The following CELF2 variants were observed in gnomAD, a reference collection of about 807,000 sequenced individuals.
CELF2 encodes the protein CUG triplet repeat RNA-binding protein 2.
In CELF2, 8 loss-of-function variants were observed where a neutral mutation model predicts 62.6. The ratio of observed to expected loss-of-function variants is 0.13; its 90% CI spans 0.07 to 0.23. The LOEUF (loss-of-function observed/expected upper bound fraction) is 0.23. Among genes scored for constraint, CELF2 ranks in the 10% least tolerant of loss-of-function variants. The pLI, the probability that CELF2 is intolerant of heterozygous loss-of-function variation, is 1.00. For missense variants in CELF2, 333 were observed against 671.0 expected, an observed-to-expected ratio of 0.50 and a Z score of 5.56; for synonymous variants, 258 against 250.0, an observed-to-expected ratio of 1.03 and a Z score of -0.30.
At chr10:10,865,648 C>T (rs10737045) in intron 1 of CELF2, among the ~76,000 whole-genome samples, 38,511 of 151,936 alleles carry the variant, frequency 0.25, 4,917 homozygotes, top group South Asian at 0.31. Context: ...GTAAAATATG[C>T]GTGTCTTATT....
chr10:11,325,311 A>T (rs563096544), intron 11 of CELF2, among the ~76,000 whole-genome samples: 2 of 152,362 alleles, frequency 1.3e-5, no homozygotes, highest in East Asian at 3.9e-4. Flanking sequence ...GATGATTATT[A>T]GACTGTGTGT....
Position 10,956,002 on chromosome 10 carries a change from T to C in CELF2, c.89+36003T>C, listed in dbSNP as rs186198822. ...AAATCAAGTCATCATTTGGAATTGT[T>C]CAGACTTAAGTCAGGAAAGATTACA... On this transcript the variant is annotated intron_variant, in intron 2 of 13. Coordinates refer to the CELF2 transcript ENST00000636488. Among the ~76,000 whole-genome samples, 246 of 152,268 alleles carry C rather than the reference T, an allele frequency of 1.6e-3. 3 individuals are homozygous for C. The highest frequency in any genetic ancestry group is 0.014 in the Middle Eastern group (4 of 294).
chr10:10,763,750 A>G, the CELF2 span, among the ~76,000 whole-genome samples: 352 of 152,316 alleles, frequency 2.3e-3, 1 homozygote, highest in Admixed American at 3.2e-3. Flanking sequence ...AGAATGTCAG[A>G]ACATGGAGAG....
intron 1 of CELF2, among the ~76,000 whole-genome samples, chr10:10,834,245 T>A (rs758613510): frequency 6.6e-6 from 1 of 151,882 alleles, no homozygotes; most frequent in Non-Finnish European, 1.5e-5. Flanking sequence ...CACGTATAAG[T>A]GGGAGCTAAA....
the CELF2 span, among the ~76,000 whole-genome samples, chr10:10,517,614 G>T: frequency 1.3e-5 from 2 of 152,180 alleles, no homozygotes; most frequent in Admixed American, 6.5e-5. Context: ...ATCTGCCCAG[G>T]CTGATGTCAG....
rs971549504 is a variant in CELF2, at chr10:11,302,669, T to G, written c.977-11470T>G. Among the ~76,000 whole-genome samples, 2 of 152,188 alleles carry G rather than the reference T, an allele frequency of 1.3e-5. No homozygotes were observed. Among genetic ancestry groups the G allele is most frequent in the Non-Finnish European group, 2.9e-5 (2 of 68,026 alleles). ...TCATTTAGGATCGAGTTGGGTGTAC[T>G]TGGTGTGGCAGCTGCTGTGTATAGG... On this transcript the variant is annotated intron_variant, in intron 9 of 12. Coordinates refer to ENST00000633077, the MANE Select transcript of CELF2 (RefSeq NM_001326342.2). This position sits in a 1 kb window ranked among gnomAD's most constrained non-coding sequence, Gnocchi z 5.0.
At chr10:11,105,495 G>A (rs1456681895) in intron 1 of CELF2, 1 of 152,178 alleles carries the variant, frequency 6.6e-6, no homozygotes, top group Non-Finnish European at 1.5e-5. Flanking sequence ...GCCATGACTT[G>A]ATTATCTCCA....
At position 11,268,698 on chromosome 10, in the gene CELF2, G is replaced by T. The variant is rs986743774; in HGVS notation, c.619-1968G>T. Among the ~76,000 whole-genome samples, 5 of 151,086 alleles carry T rather than the reference G, an allele frequency of 3.3e-5. No homozygotes were observed. The highest frequency in any genetic ancestry group is 9.8e-5 in the African/African-American group (4 of 40,858). On this transcript the variant is annotated intron_variant, in intron 6 of 12. Transcript: ENST00000633077. This position sits in a 1 kb window ranked among gnomAD's most constrained non-coding sequence, Gnocchi z 4.7. ...CTCTGACACTTAAATTTCTTGTTTG[G>T]TTTTTTTTTTAATTGGCATTTAAAT...
chr10:10,712,147 C>CAAA, the CELF2 span, among the ~76,000 whole-genome samples: 377 of 43,412 alleles, frequency 8.7e-3, 40 homozygotes, highest in Middle Eastern at 0.053. Flanking sequence ...AGGATAGAGA[C>CAAA]AAAAAAAAAA....
At chr10:10,892,387 T>G (rs571260678) in intron 1 of CELF2, among the ~76,000 whole-genome samples, 1 of 152,136 alleles carries the variant, frequency 6.6e-6, no homozygotes, top group Admixed American at 6.5e-5. Flanking sequence ...GAGCTCCTCA[T>G]CTCCTTGGCC....
the CELF2 span, among the ~76,000 whole-genome samples, chr10:10,515,358 T>A: frequency 1.3e-5 from 2 of 152,182 alleles, no homozygotes; most frequent in Admixed American, 6.5e-5. Flanking sequence ...ACCATTGGAG[T>A]CATATCACAT....
In CELF2 at chr10:11,018,054, C is replaced by G; in HGVS notation, c.-36C>G. On this transcript the variant is annotated 5_prime_UTR_variant, in exon 1 of 13. Transcript: ENST00000633077. ...GCGGCCGCTCGGACGCGCGCAGAGC[C>G]GCCCCCCGCCGCTGCCGCCGCGTGC... 7.2e-7 allele frequency: 1 copy of G among 1,383,688 alleles called. No individual in the cohort carries two copies. The highest frequency in any genetic ancestry group is 9.5e-7 in the Non-Finnish European group (1 of 1,047,406). The allele number at this position is 1,383,688 out of a possible 1,614,324, so 85.7% of individuals were successfully genotyped here.
chr10:11,130,480 C>T (rs1197772668), intron 1 of CELF2, among the ~76,000 whole-genome samples: 1 of 152,196 alleles, frequency 6.6e-6, no homozygotes, highest in Non-Finnish European at 1.5e-5. Flanking sequence ...TCTTGTAAGA[C>T]ATTTATCACT....
chr10:11,121,736 G>GA (rs749167767), intron 1 of CELF2, among the ~76,000 whole-genome samples: 2 of 151,786 alleles, frequency 1.3e-5, no homozygotes, highest in African/African-American at 4.8e-5. Context: ...TTGATTTGTG[G>GA]AAAAAAATGC....
the CELF2 span, among the ~76,000 whole-genome samples, chr10:10,579,449 T>A: frequency 6.6e-6 from 1 of 152,154 alleles, no homozygotes; most frequent in African/African-American, 2.4e-5. Flanking sequence ...AGGATTAATA[T>A]AGGTTGTTAA....
At chr10:10,877,731 G>A (rs2061197327) in intron 1 of CELF2, among the ~76,000 whole-genome samples, 1 of 152,200 alleles carries the variant, frequency 6.6e-6, no homozygotes, top group East Asian at 1.9e-4. Context: ...TGAGTGAGAT[G>A]GACGAGTTGG....
In CELF2 at chr10:11,329,837, T is replaced by A. The variant is rs2095950723; in HGVS notation, c.*784T>A. On this transcript the variant is annotated 3_prime_UTR_variant, in exon 13 of 13. Coordinates refer to ENST00000633077, the MANE Select transcript of CELF2 (RefSeq NM_001326342.2). The surrounding 1 kb of genome is among the most constrained non-coding windows in gnomAD (Gnocchi z 5.5). ...TCTTGAAAGATAAATTTAATAATAATAAATAAATACATAAATACATAAATA... is the reference window on the plus strand; with the variant it reads ...TCTTGAAAGATAAATTTAATAATAAAAAATAAATACATAAATACATAAATA... 1.3e-5 allele frequency: 2 copies of A among 151,932 alleles called. No individual in the cohort carries two copies. The highest frequency in any genetic ancestry group is 4.8e-5 in the African/African-American group (2 of 41,392). 9.4% of individuals were successfully genotyped at this position (151,932 alleles called of 1,614,324 possible). A position where few individuals can be genotyped will look rare whatever the true frequency, so the allele number is the denominator to read the frequency against.
intron 1 of CELF2, among the ~76,000 whole-genome samples, chr10:11,163,915 C>A (rs958620013): frequency 6.6e-6 from 1 of 152,192 alleles, no homozygotes; most frequent in East Asian, 1.9e-4. Flanking sequence ...TTAAAGTGCT[C>A]TGATGGTGTA....
At position 11,047,764 on chromosome 10, in the gene CELF2, A is replaced by G. The variant is rs80012513; in HGVS notation, c.74+29601A>G. ...ACCTCAGTGCCTTTCCTGAATACTG[A>G]TTTCAGGCTAAATTTTTCTGGGATA... On this transcript the variant is annotated intron_variant, in intron 1 of 12. Coordinates refer to ENST00000633077, the MANE Select transcript of CELF2 (RefSeq NM_001326342.2). Among the ~76,000 whole-genome samples the G allele has an allele frequency of 6.4e-4, 98 of 152,208 alleles. 1 individual carries two copies. The East Asian group carries it at 0.018, about 28-fold the overall frequency.
Sources: gnomAD v4.1 joint callset for allele counts (sites outside exome capture counted in the v4.1 genomes callset) on GRCh38, gnomAD v4.1.1 for gene constraint, Gnocchi (gnomAD v3.1) non-coding constraint, MANE v1.5 for transcripts, NCBI Gene and HGNC (gene_info 2026-07-23, HGNC 2026-07-21) for gene names.